PRKG1: variants seen among roughly 807,000 people sequenced by gnomAD.
PRKG1 encodes the protein cGMP-dependent protein kinase 1.
A neutral mutation model predicts 88.1 loss-of-function variants in PRKG1; 35 were observed. The ratio of observed to expected loss-of-function variants is 0.40; its 90% CI spans 0.30 to 0.53. PRKG1 has a LOEUF of 0.53. Among genes scored for constraint, PRKG1 ranks in the 20% least tolerant of loss-of-function variants. PRKG1 has a pLI of 0.59. For missense variants in PRKG1, 540 were observed against 839.8 expected, an observed-to-expected ratio of 0.64 and a Z score of 4.41; for synonymous variants, 303 against 292.5, an observed-to-expected ratio of 1.04 and a Z score of -0.37.
intron 4 of PRKG1, among the ~76,000 whole-genome samples, chr10:51,889,886 C>T (rs1224216573): frequency 6.6e-6 from 1 of 152,100 alleles, no homozygotes; most frequent in African/African-American, 2.4e-5. Context: ...ATATTCTTGG[C>T]CCACTTTTTG....
chr10:51,868,438 G>C (rs568630706), intron 4 of PRKG1, among the ~76,000 whole-genome samples: 43 of 152,274 alleles, frequency 2.8e-4, no homozygotes, highest in African/African-American at 1.0e-3. Flanking sequence ...TTGTGGCAAA[G>C]AGAAATAGTT....
intron 3 of PRKG1, among the ~76,000 whole-genome samples, chr10:51,619,155 A>AG (rs1220825011): frequency 6.6e-6 from 1 of 152,090 alleles, no homozygotes; most frequent in Non-Finnish European, 1.5e-5. Flanking sequence ...GGAAGTGGTG[A>AG]GGGGGAAAGA....
rs1048931216 is a variant in PRKG1 at position 51,591,675 on chromosome 10, G to A, written c.592+123839G>A. 1.2e-4 allele frequency among the ~76,000 whole-genome samples: 19 copies of A among 152,142 alleles called. No individual in the cohort carries two copies. The East Asian group carries it at 2.3e-3, about 19-fold the overall frequency. On this transcript the variant is annotated intron_variant, in intron 3 of 17. Coordinates refer to ENST00000373980, the MANE Select transcript of PRKG1 (RefSeq NM_006258.4). ...GGGGGTTGTTAAAAAAGCATCTTCC[G>A]TAAAAACTTATCTGAGATAATCTTT...
chr10:52,127,724 A>G (rs1467253733), intron 7 of PRKG1, among the ~76,000 whole-genome samples: 1 of 152,130 alleles, frequency 6.6e-6, no homozygotes, highest in Non-Finnish European at 1.5e-5. Flanking sequence ...ACTAACATTT[A>G]TTGGTTGATT....
At chr10:51,334,760 C>T (rs1841830906) in intron 2 of PRKG1, among the ~76,000 whole-genome samples, 1 of 152,092 alleles carries the variant, frequency 6.6e-6, no homozygotes, top group South Asian at 2.1e-4. Context: ...ATTGCTTTCA[C>T]AGAAACAATA....
chr10:51,864,295 T>C (rs781726641), intron 4 of PRKG1, among the ~76,000 whole-genome samples: 3 of 152,234 alleles, frequency 2.0e-5, no homozygotes, highest in African/African-American at 2.4e-5. Flanking sequence ...TTGGTTCCTC[T>C]GCCCATCAGA....
intron 7 of PRKG1, chr10:52,127,968 T>G: frequency 1.1e-6 from 1 of 941,436 alleles, no homozygotes; most frequent in Non-Finnish European, 1.3e-6. Context: ...CCACCAACTC[T>G]ACAATTCTTG....
At chr10:52,253,098 G>A (rs1465576268) in intron 10 of PRKG1, among the ~76,000 whole-genome samples, 2 of 151,952 alleles carry the variant, frequency 1.3e-5, no homozygotes, top group East Asian at 1.9e-4. Context: ...ATATAGTTGC[G>A]TATTTCTAAA....
At position 51,614,371 on chromosome 10, in the gene PRKG1, A is replaced by G. The variant is rs539132638; in HGVS notation, c.592+146535A>G. On this transcript the variant is annotated intron_variant, in intron 3 of 17. Coordinates refer to ENST00000373980, the MANE Select transcript of PRKG1 (RefSeq NM_006258.4). ...TTTTCCATCCCTTTACTTTCAATTTATATGTGTCTTTACAGGTGAGGTGAG... is the reference window on the plus strand; with the variant it reads ...TTTTCCATCCCTTTACTTTCAATTTGTATGTGTCTTTACAGGTGAGGTGAG... 4.0e-5 allele frequency among the ~76,000 whole-genome samples: 6 copies of G among 151,654 alleles called. No homozygotes were observed. In the South Asian group the frequency reaches 8.3e-4, roughly 21 times the overall value.
At chr10:52,081,183 G>A (rs1846764642) in intron 7 of PRKG1, among the ~76,000 whole-genome samples, 1 of 152,150 alleles carries the variant, frequency 6.6e-6, no homozygotes, top group African/African-American at 2.4e-5. Flanking sequence ...AATGTGTGTT[G>A]AATAGAAACT....
At chr10:51,728,409 T>C (rs2132465343) in intron 3 of PRKG1, among the ~76,000 whole-genome samples, 1 of 151,722 alleles carries the variant, frequency 6.6e-6, no homozygotes, top group South Asian at 2.1e-4. Flanking sequence ...TCTTTAAAAA[T>C]GTGCTCTTTA....
chr10:51,640,447 G>C (rs1176744009), intron 3 of PRKG1, among the ~76,000 whole-genome samples: 2 of 152,106 alleles, frequency 1.3e-5, no homozygotes, highest in Non-Finnish European at 2.9e-5. Flanking sequence ...GGTGGAGCTT[G>C]TACGTGCAAG....
intron 2 of PRKG1, among the ~76,000 whole-genome samples, chr10:51,408,492 T>A (rs915189777): frequency 7.9e-5 from 12 of 152,222 alleles, no homozygotes; most frequent in Admixed American, 7.2e-4. Context: ...GGCAAACCCA[T>A]GCCTGGAGTA....
At chr10:51,967,909 T>C (rs1843612275) in intron 5 of PRKG1, among the ~76,000 whole-genome samples, 1 of 152,204 alleles carries the variant, frequency 6.6e-6, no homozygotes, top group African/African-American at 2.4e-5. Flanking sequence ...TTAGGCTTTA[T>C]TTACCTTCCT....
intron 3 of PRKG1, among the ~76,000 whole-genome samples, chr10:51,767,474 A>T (rs535153683): frequency 2.0e-5 from 3 of 152,158 alleles, no homozygotes; most frequent in Admixed American, 6.5e-5. Context: ...TAGACTTTTT[A>T]GTCTCTTCTC....
Position 51,803,694 on chromosome 10 carries a change from C to G in PRKG1, c.593-891C>G, listed in dbSNP as rs187143613. The stretch of plus-strand genomic sequence containing the variant: ...TCAAAGCTCTTCCTCAGACTACATT[C>G]CCCATGACTATGATATTTGAATTGT... On this transcript the variant is annotated intron_variant, in intron 3 of 17. Coordinates refer to ENST00000373980, the MANE Select transcript of PRKG1 (RefSeq NM_006258.4). Among the ~76,000 whole-genome samples, 176 of 152,202 alleles carry G rather than the reference C, an allele frequency of 1.2e-3. 1 individual carries two copies. Among genetic ancestry groups the G allele is most frequent in the African/African-American group, 4.1e-3 (172 of 41,512 alleles).
chr10:51,869,689 C>T (rs562757145), intron 4 of PRKG1, among the ~76,000 whole-genome samples: 34 of 151,930 alleles, frequency 2.2e-4, no homozygotes, highest in Non-Finnish European at 3.5e-4. Context: ...GTCTGACTTA[C>T]GCATAATTAT....
At chr10:51,106,502 T>C (rs928579019) in intron 1 of PRKG1, among the ~76,000 whole-genome samples, 18 of 152,184 alleles carry the variant, frequency 1.2e-4, no homozygotes, top group African/African-American at 4.3e-4. Flanking sequence ...GTCAGCTTCA[T>C]GGACTAGCAA....
At chr10:52,100,053 A>T (rs533248743) in intron 7 of PRKG1, among the ~76,000 whole-genome samples, 1 of 152,256 alleles carries the variant, frequency 6.6e-6, no homozygotes, top group East Asian at 1.9e-4. Flanking sequence ...TAAGCCAAAA[A>T]TGTCAGTGGC....
Sources: allele counts gnomAD v4.1 joint callset (sites outside exome capture counted in the v4.1 genomes callset), GRCh38; gene constraint gnomAD v4.1.1; transcripts MANE v1.5; gene names NCBI Gene and HGNC (gene_info 2026-07-23, HGNC 2026-07-21).